The following WDR11 variants were observed in gnomAD, a reference collection of about 807,000 sequenced individuals.
WDR11 encodes WD repeat-containing protein 11.
Under a neutral mutation model 151.2 loss-of-function variants are expected in WDR11, and 83 were observed. The observed-to-expected ratio is 0.55, with a 90% confidence interval of 0.46 to 0.66. The LOEUF (loss-of-function observed/expected upper bound fraction) is 0.66. WDR11 is among the 30% of genes least tolerant of loss of function. WDR11 has a pLI of 0.00. For synonymous variants in WDR11, 484 were observed against 533.1 expected (o/e 0.91, Z 1.27); for missense variants, 1,301 against 1,480.9 (o/e 0.88, Z 1.99).
chr10:120,865,601 TAAAAAATAAATATATCATCTATTTA>T lies in WDR11; in HGVS notation c.880-26_880-2del, dbSNP rs750856640. The T allele has an allele frequency of 1.4e-6, 2 of 1,452,704 alleles. No individual in the cohort carries two copies. Among genetic ancestry groups the T allele is most frequent in the Middle Eastern group, 4.8e-4 (2 of 4,134 alleles). 90.0% of individuals were successfully genotyped at this position (1,452,704 alleles called of 1,614,324 possible). ...TATACTTTATTAATCTATTGTGTTT[TAAAAAATAAATATATCATCTATTTA>T]AAGGTAATACCCTGCTTTCAGCGTG... On this transcript the variant is annotated splice_region_variant and splice_polypyrimidine_tract_variant and intron_variant, in intron 6 of 28. Transcript: ENST00000263461.
chr10:120,904,637 T>G lies in WDR11; in HGVS notation c.3028-9T>G. 6.2e-7 allele frequency: 1 copy of G among 1,614,156 alleles called. No individual in the cohort carries two copies. Among genetic ancestry groups the G allele is most frequent in the Non-Finnish European group, 8.5e-7 (1 of 1,180,020 alleles). ...TTCTCATAATTAGAAAAACCGTTTC[T>G]CTTACTAGACAGACAGAGCTGTGCA... On this transcript the variant is annotated splice_polypyrimidine_tract_variant and intron_variant, in intron 24 of 28. Coordinates refer to ENST00000263461, the MANE Select transcript of WDR11 (RefSeq NM_018117.12).
At chr10:120,895,415 G>A (rs1847577398) in intron 19 of WDR11, among the ~76,000 whole-genome samples, 1 of 152,060 alleles carries the variant, frequency 6.6e-6, no homozygotes. Flanking sequence ...TAAGTGTTCA[G>A]TGCTTCTGTA....
chr10:120,874,227 G>GT (rs201729401), intron 11 of WDR11, among the ~76,000 whole-genome samples: 1,457 of 120,498 alleles, frequency 0.012, 57 homozygotes, highest in African/African-American at 0.039. Flanking sequence ...GTTTTGTTTT[G>GT]TTTTTTTTAA....
At chr10:120,895,649 TAAAC>T (rs1847587109) in intron 19 of WDR11, among the ~76,000 whole-genome samples, 1 of 152,122 alleles carries the variant, frequency 6.6e-6, no homozygotes, top group Admixed American at 6.5e-5. Context: ...GCAAAACAGA[TAAAC>T]AAATGATGCT....
chr10:120,852,199 C>T, intron 1 of WDR11: 1 of 340,964 alleles, frequency 2.9e-6, no homozygotes. Context: ...ATTGTGGATA[C>T]TAAGGATTAG....
chr10:120,900,018 T>C lies in WDR11; in HGVS notation c.2516-11T>C, dbSNP rs772701003. The C allele has an allele frequency of 7.7e-5, 124 of 1,607,112 alleles. No homozygotes were observed. Among genetic ancestry groups the C allele is most frequent in the Non-Finnish European group, 8.7e-5 (102 of 1,173,880 alleles). ...TCATTTTATTTTTAAAAACCTTTCT[T>C]TGTTGTCTAGAGCCTGTGTGGTGCC... On this transcript the variant is annotated splice_polypyrimidine_tract_variant and intron_variant, in intron 19 of 28. Coordinates refer to ENST00000263461, the MANE Select transcript of WDR11 (RefSeq NM_018117.12).
chr10:120,860,003 G>A (rs1564939123), intron 3 of WDR11, 106 bp from the exon 4 acceptor site: 1 of 1,359,874 alleles, frequency 7.4e-7, no homozygotes, highest in South Asian at 1.2e-5. Flanking sequence ...TGGTGGTTAA[G>A]TTTTTAAAGA....
In WDR11 at chr10:120,871,382, A is replaced by G. The variant is rs1846534781; in HGVS notation, c.1471+36A>G. 1.1e-5 allele frequency: 18 copies of G among 1,586,140 alleles called. No individual in the cohort carries two copies. In the East Asian group the frequency reaches 4.0e-4, roughly 35 times the overall value. ...GACCTGGTCTTTTTTTTTTTAACTC[A>G]CTTTATAAGATGTTTAGGTTTTCTA... On this transcript the variant is annotated intron_variant, in intron 10 of 28. Transcript: ENST00000263461.
Position 120,889,145 on chromosome 10 carries a change from GA to G in WDR11, c.2192del (p.Asn731IlefsTer2), listed in dbSNP as rs1847329668. 1 of 1,613,804 alleles carries G rather than the reference GA, an allele frequency of 6.2e-7. No individual in the cohort carries two copies. Among genetic ancestry groups the G allele is most frequent in the African/African-American group, 1.3e-5 (1 of 74,890 alleles). ...GDTLVLGDMDGNLNFWDLKGR... is the reference protein window; with the variant it reads ...GDTLVLGDMDXNLNFWDLKGR... ...ACATTAGTGCTTGGAGATATGGATG[GA>G]AATTTAAATTTCTGGGACTTGAAAG... On this transcript the variant is annotated frameshift_variant, in exon 17 of 29. Coordinates refer to ENST00000263461, the MANE Select transcript of WDR11 (RefSeq NM_018117.12). LOFTEE classifies it high-confidence loss of function.
At position 120,862,904 on chromosome 10, in the gene WDR11, C is replaced by T. The variant is rs2133740295; in HGVS notation, c.696C>T (p.Ile232=). ...KKALNKVKIL[I]TQEKPSAEFI... ...CTCTAAATAAAGTAAAAATTTTAAT[C>T]ACTCAAGAGAAACCTAGGTAAGTTA... Residue 232 remains isoleucine, a synonymous_variant, in exon 5 of 29, where the codon ATC becomes ATT. Coordinates refer to ENST00000263461, the MANE Select transcript of WDR11 (RefSeq NM_018117.12). 1 of 1,611,606 alleles carries T rather than the reference C, an allele frequency of 6.2e-7. No individual in the cohort carries two copies. Among genetic ancestry groups the T allele is most frequent in the East Asian group, 2.2e-5 (1 of 44,858 alleles).
chr10:120,873,731 T>G (rs2133761384), intron 10 of WDR11, 108 bp from the exon 11 acceptor site: 2 of 789,860 alleles, frequency 2.5e-6, no homozygotes, highest in East Asian at 2.5e-5. Flanking sequence ...GGGTTTCTTT[T>G]ATAAAAGATA....
intron 19 of WDR11, among the ~76,000 whole-genome samples, chr10:120,896,849 A>G (rs192793362): frequency 2.8e-4 from 43 of 152,250 alleles, no homozygotes; most frequent in Admixed American, 4.6e-4. Context: ...TTGAACATGT[A>G]TGTTCCCTGG....
At chr10:120,875,633 T>C (rs900644567) in intron 11 of WDR11, among the ~76,000 whole-genome samples, 7 of 152,122 alleles carry the variant, frequency 4.6e-5, no homozygotes, top group African/African-American at 1.4e-4. Context: ...GCCTCTTGAG[T>C]AGCTAGGACT....
intron 5 of WDR11, among the ~76,000 whole-genome samples, chr10:120,864,340 A>G (rs766683588): frequency 1.3e-5 from 2 of 152,224 alleles, no homozygotes; most frequent in Non-Finnish European, 2.9e-5. Context: ...GAAATGTAAA[A>G]TGAAAATAGT....
chr10:120,856,632 T>C lies in WDR11; in HGVS notation c.199-2011T>C, dbSNP rs546757149. 7.2e-5 allele frequency among the ~76,000 whole-genome samples: 11 copies of C among 151,852 alleles called. No homozygotes were observed. In the South Asian group the frequency reaches 1.0e-3, roughly 14 times the overall value. ...ATCTTCAAGCTTACATAGTTTCTGATGAAAAATTTTTGTTTTTGTTTCTCT... is the reference window on the plus strand; with the variant it reads ...ATCTTCAAGCTTACATAGTTTCTGACGAAAAATTTTTGTTTTTGTTTCTCT... On this transcript the variant is annotated intron_variant, in intron 2 of 28. Coordinates refer to ENST00000263461, the MANE Select transcript of WDR11 (RefSeq NM_018117.12).
chr10:120,869,392 C>T (rs980151266), intron 9 of WDR11, among the ~76,000 whole-genome samples: 3 of 152,088 alleles, frequency 2.0e-5, no homozygotes, highest in East Asian at 1.9e-4. Context: ...GGATTACAGG[C>T]GTGAGCCACC....
intron 2 of WDR11, among the ~76,000 whole-genome samples, chr10:120,853,270 A>AT (rs748098358): frequency 0.013 from 1,846 of 143,948 alleles, 39 homozygotes; most frequent in African/African-American, 0.041. Context: ...AGGAGTTTGG[A>AT]TTTTTTTTTT....
At chr10:120,889,842 G>A (rs1847357381) in intron 17 of WDR11, 53 bp from the exon 18 acceptor site, 1 of 1,220,004 alleles carries the variant, frequency 8.2e-7, no homozygotes, top group Non-Finnish European at 1.2e-6. Flanking sequence ...ATAGCTTCTG[G>A]TGACCAGATC....
chr10:120,851,852 T>G, intron 1 of WDR11: 1 of 402,794 alleles, frequency 2.5e-6, no homozygotes, highest in East Asian at 5.5e-5. Flanking sequence ...GCACTTTCTC[T>G]TTCCCATCCT....
Sources: gnomAD v4.1 joint callset for allele counts (sites outside exome capture counted in the v4.1 genomes callset) on GRCh38, gnomAD v4.1.1 for gene constraint, MANE v1.5 for transcripts, NCBI Gene and HGNC (gene_info 2026-07-23, HGNC 2026-07-21) for gene names.